SLC30A7: variants seen among roughly 807,000 people sequenced by gnomAD.
SLC30A7 encodes solute carrier family 30 member 7, also known as zinc transporter 7.
In SLC30A7, 35 loss-of-function variants were observed where a neutral mutation model predicts 46.0. That is an observed-to-expected ratio of 0.76 (90% CI 0.58 to 1.01). The LOEUF is 1.01. Ranked by LOEUF, SLC30A7 falls within the 50% of genes least tolerant of loss-of-function variation. The probability of loss-of-function intolerance (pLI) is 0.00; values close to 1 mark genes in which losing one functional copy is unlikely to be tolerated. For missense variants in SLC30A7, 464 were observed against 451.1 expected (o/e 1.03, Z -0.26); for synonymous variants, 147 against 157.8 (o/e 0.93, Z 0.51).
intron 8 of SLC30A7, among the ~76,000 whole-genome samples, chr1:100,951,620 T>C (rs1009268886): frequency 2.0e-5 from 3 of 152,210 alleles, no homozygotes; most frequent in African/African-American, 4.8e-5. Flanking sequence ...TGGTAACTGC[T>C]GTGCCTTTGT....
chr1:100,992,995 AT>A, the SLC30A7 span, among the ~76,000 whole-genome samples: 2 of 152,236 alleles, frequency 1.3e-5, no homozygotes, highest in African/African-American at 4.8e-5. Context: ...AGATGTCTAA[AT>A]GAAAGTTATC....
chr1:100,990,690 TCAAA>T, the SLC30A7 span: 3 of 1,512,338 alleles, frequency 2.0e-6, no homozygotes, highest in Admixed American at 1.8e-5. Flanking sequence ...CATCCAACAG[TCAAA>T]CAAACATTAG....
In SLC30A7 at chr1:100,974,926, T is replaced by G; in HGVS notation, c.*69T>G. The G allele has an allele frequency of 2.3e-6, 3 of 1,291,358 alleles. No individual in the cohort carries two copies. The highest frequency in any genetic ancestry group is 3.3e-6 in the Non-Finnish European group (3 of 921,734). The allele number at this position is 1,291,358 out of a possible 1,614,324, so 80.0% of individuals were successfully genotyped here. A position where few individuals can be genotyped will look rare whatever the true frequency, so the allele number is the denominator to read the frequency against. On this transcript the variant is annotated 3_prime_UTR_variant, in exon 11 of 11. Coordinates refer to ENST00000357650, the MANE Select transcript of SLC30A7 (RefSeq NM_133496.5). ...TGGTACTGTACGATCCAAAACATTG[T>G]ACCCAGCTTTTTAAAAGAGAGAAAT...
chr1:100,912,382 C>G, intron 5 of SLC30A7, 144 bp downstream of exon 5: 1 of 909,522 alleles, frequency 1.1e-6, no homozygotes, highest in South Asian at 1.7e-5. Context: ...CCTTTCACTT[C>G]TTTATGCCCC....
At chr1:100,990,294 A>C in the SLC30A7 span, 1 of 950,104 alleles carries the variant, frequency 1.1e-6, no homozygotes, top group South Asian at 1.5e-5. Flanking sequence ...CTACCACAAC[A>C]CCTGGGAATT....
intron 6 of SLC30A7, 101 bp from the exon 7 acceptor site, chr1:100,917,976 C>A: frequency 1.2e-6 from 1 of 832,910 alleles, no homozygotes; most frequent in South Asian, 1.7e-5. Flanking sequence ...GCTATATAGC[C>A]ATGCATTCTT....
downstream of SLC30A7, among the ~76,000 whole-genome samples, chr1:100,983,136 C>T (rs1376378648): frequency 1.3e-5 from 2 of 152,072 alleles, no homozygotes; most frequent in Non-Finnish European, 2.9e-5. Context: ...GAACAACTTT[C>T]GAAACTTAAA....
intron 2 of SLC30A7, among the ~76,000 whole-genome samples, chr1:100,902,997 T>G (rs1299784500): frequency 6.6e-6 from 1 of 152,134 alleles, no homozygotes; most frequent in Non-Finnish European, 1.5e-5. Flanking sequence ...TTATATTTAT[T>G]TACAATGAAT....
At chr1:100,904,356 T>G (rs1651505509) in intron 2 of SLC30A7, among the ~76,000 whole-genome samples, 1 of 152,186 alleles carries the variant, frequency 6.6e-6, no homozygotes, top group Non-Finnish European at 1.5e-5. Context: ...TTTCTAGTAT[T>G]TCCATTTGAT....
At chr1:100,928,472 G>T (rs1653454440) in intron 8 of SLC30A7, among the ~76,000 whole-genome samples, 1 of 151,778 alleles carries the variant, frequency 6.6e-6, no homozygotes, top group Admixed American at 6.6e-5. Context: ...TTTAATTATG[G>T]GAATAATTAT....
At chr1:100,936,734 A>C (rs1468675678) in intron 8 of SLC30A7, among the ~76,000 whole-genome samples, 1 of 152,114 alleles carries the variant, frequency 6.6e-6, no homozygotes, top group Non-Finnish European at 1.5e-5. Context: ...TGTAACCATT[A>C]AGCAATAACT....
chr1:100,934,823 T>C (rs1557992609), intron 8 of SLC30A7, among the ~76,000 whole-genome samples: 1 of 152,126 alleles, frequency 6.6e-6, no homozygotes, highest in East Asian at 1.9e-4. Flanking sequence ...AATCTGCTAT[T>C]ACTACCTACA....
rs998866854 is a variant in SLC30A7 at position 100,980,268 on chromosome 1, CAGG to C, written c.*5414_*5416del. ...CAAAAGTACAAGTAATTTTGCACTG[CAGG>C]AGAAGGATAAGTAGATTTGATTTAC... On this transcript the variant is annotated 3_prime_UTR_variant, in exon 11 of 11. Coordinates refer to ENST00000357650, the MANE Select transcript of SLC30A7 (RefSeq NM_133496.5). 5 of 152,000 alleles carry C rather than the reference CAGG, an allele frequency of 3.3e-5. No homozygotes were observed. Among genetic ancestry groups the C allele is most frequent in the Non-Finnish European group, 5.9e-5 (4 of 67,926 alleles). The allele number at this position is 152,000 out of a possible 1,614,324, so 9.4% of individuals were successfully genotyped here. A position where few individuals can be genotyped will look rare whatever the true frequency, so the allele number is the denominator to read the frequency against.
At chr1:100,908,096 C>A (rs1314341419) in intron 3 of SLC30A7, among the ~76,000 whole-genome samples, 2 of 151,968 alleles carry the variant, frequency 1.3e-5, no homozygotes, top group Admixed American at 6.6e-5. Context: ...GATTCTCCTT[C>A]CCTGAGCTCT....
Position 100,911,104 on chromosome 1 carries a change from T to G in SLC30A7, c.338T>G (p.Leu113Arg), listed in dbSNP as rs777534332. Residue 113 changes from leucine (L) to arginine (R), a missense_variant, in exon 4 of 11, where the codon CTA becomes CGA. Physicochemically the swap from Leu to Arg is moderately radical, Grantham distance 102 (BLOSUM62 -2). Coordinates refer to ENST00000357650, the MANE Select transcript of SLC30A7 (RefSeq NM_133496.5). ...AEVLAGFVNG[L>R]FLIFTAFFIF... ...GTTCTGGCTGGCTTTGTCAATGGCC[T>G]ATTTTTGATCTTCACTGCTTTTTTT... The G allele has an allele frequency of 1.2e-6, 2 of 1,612,318 alleles. No individual in the cohort carries two copies. Among genetic ancestry groups the G allele is most frequent in the Non-Finnish European group, 1.7e-6 (2 of 1,178,922 alleles).
rs981647689 is a variant in SLC30A7, at chr1:100,918,100, A to G, written c.679A>G (p.Thr227Ala). Reference sequence around the variant, plus strand: ...AGATGGCCCGTCCTTAAAAGAAACAACAGGACCCAGCAGACAGATTTTACA... The same window carrying G: ...AGATGGCCCGTCCTTAAAAGAAACAGCAGGACCCAGCAGACAGATTTTACA... Reference protein sequence around the residue: ...SHDGPSLKETTGPSRQILQGV... With the variant: ...SHDGPSLKETAGPSRQILQGV... The change falls in exon 7 of 11, where the codon ACA becomes GCA. Residue 227 changes from threonine (T) to alanine (A), a missense_variant. Thr to Ala is a moderately conservative substitution (Grantham distance 58). Coordinates refer to ENST00000357650, the MANE Select transcript of SLC30A7 (RefSeq NM_133496.5). 1 of 1,613,002 alleles carries G rather than the reference A, an allele frequency of 6.2e-7. No homozygotes were observed. The highest frequency in any genetic ancestry group is 8.5e-7 in the Non-Finnish European group (1 of 1,179,308).
intron 8 of SLC30A7, among the ~76,000 whole-genome samples, chr1:100,936,819 T>G (rs1409020585): frequency 6.6e-6 from 1 of 152,210 alleles, no homozygotes; most frequent in African/African-American, 2.4e-5. Flanking sequence ...AATATATAAG[T>G]GGTACCTTAT....
chr1:100,967,948 G>T (rs1330781114), intron 10 of SLC30A7, among the ~76,000 whole-genome samples: 3 of 152,100 alleles, frequency 2.0e-5, no homozygotes, highest in Non-Finnish European at 4.4e-5. Context: ...TGGTATTGTG[G>T]TATAGAAGAC....
chr1:100,906,879 C>T lies in SLC30A7; in HGVS notation c.210C>T (p.His70=), dbSNP rs1354854078. ...TAGGCTTGATTTCCGACTCTTTTCACATGTTTTTCGATAGCACTGCCATTT... is the reference window on the plus strand; with the variant it reads ...TAGGCTTGATTTCCGACTCTTTTCATATGTTTTTCGATAGCACTGCCATTT... ...NCLGLISDSF[H]MFFDSTAILA... The change falls in exon 3 of 11, where the codon CAC becomes CAT. Residue 70 remains histidine, a synonymous_variant. Transcript: ENST00000357650. The T allele has an allele frequency of 1.2e-6, 2 of 1,613,082 alleles. No homozygotes were observed. The highest frequency in any genetic ancestry group is 1.3e-5 in the African/African-American group (1 of 74,836).
Sources: gnomAD v4.1 joint callset for allele counts (sites outside exome capture counted in the v4.1 genomes callset) on GRCh38, gnomAD v4.1.1 for gene constraint, MANE v1.5 for transcripts, NCBI Gene and HGNC (gene_info 2026-07-23, HGNC 2026-07-21) for gene names.